GALK2: variants seen among roughly 807,000 people sequenced by gnomAD.
GALK2 encodes N-acetylgalactosamine kinase.
A neutral mutation model predicts 52.4 loss-of-function variants in GALK2; 36 were observed. The observed-to-expected ratio is 0.69, with a 90% CI of 0.53 to 0.91. The LOEUF is 0.91. Among genes scored for constraint, GALK2 ranks in the 40% least tolerant of loss-of-function variants. The pLI is 0.00. For missense variants in GALK2, 579 were observed against 559.1 expected, an observed-to-expected ratio of 1.04 and a Z score of -0.36; for synonymous variants, 176 against 199.1, an observed-to-expected ratio of 0.88 and a Z score of 0.98.
intron 1 of GALK2, among the ~76,000 whole-genome samples, chr15:49,180,902 A>C (rs2085907000): frequency 6.6e-6 from 1 of 152,096 alleles, no homozygotes; most frequent in African/African-American, 2.4e-5. Flanking sequence ...CTGTCATAGC[A>C]GGGACTAAAT....
intron 1 of GALK2, among the ~76,000 whole-genome samples, chr15:49,180,952 C>G (rs930679493): frequency 8.5e-5 from 13 of 152,074 alleles, no homozygotes; most frequent in Non-Finnish European, 1.5e-4. Flanking sequence ...ATTTGGCCGA[C>G]TTATCACTCT....
At chr15:49,156,615 G>A in intron 1 of GALK2, 3 of 521,810 alleles carry the variant, frequency 5.7e-6, no homozygotes, top group Non-Finnish European at 1.1e-5. Context: ...TTGCCGAAAG[G>A]CCATCACTTT....
intron 8 of GALK2, among the ~76,000 whole-genome samples, chr15:49,296,424 G>C (rs1264465034): frequency 6.6e-6 from 1 of 152,136 alleles, no homozygotes; most frequent in African/African-American, 2.4e-5. Flanking sequence ...ATGTCCCTCA[G>C]CTGCATCCAT....
At chr15:49,318,694 G>A (rs1371453491) in intron 8 of GALK2, among the ~76,000 whole-genome samples, 1 of 151,576 alleles carries the variant, frequency 6.6e-6, no homozygotes, top group Non-Finnish European at 1.5e-5. Flanking sequence ...TGTTTATCTG[G>A]GACATATAAT....
intron 8 of GALK2, among the ~76,000 whole-genome samples, chr15:49,295,183 G>A (rs1295076403): frequency 2.0e-5 from 3 of 151,406 alleles, no homozygotes; most frequent in Non-Finnish European, 4.4e-5. Context: ...GGAGGGAGAG[G>A]AAGAAGGAAG....
At chr15:49,213,941 C>T (rs1163143508) in intron 2 of GALK2, among the ~76,000 whole-genome samples, 1 of 151,882 alleles carries the variant, frequency 6.6e-6, no homozygotes, top group African/African-American at 2.4e-5. Flanking sequence ...CACGGTGAAA[C>T]CCCATCTCTA....
Position 49,274,696 on chromosome 15 carries a change from T to C in GALK2, c.505-7291T>C, listed in dbSNP as rs143620255. Among the ~76,000 whole-genome samples, 7 of 152,346 alleles carry C rather than the reference T, an allele frequency of 4.6e-5. No homozygotes were observed. The East Asian group carries it at 1.3e-3, about 29-fold the overall frequency. On this transcript the variant is annotated intron_variant, in intron 5 of 9. Transcript: ENST00000560031. ...TAGCTTGAAACACAAACACATTGTA[T>C]AGCTGTACAAAGTGTTTCTTTATAT...
chr15:49,266,048 G>T (rs538534578), intron 5 of GALK2, among the ~76,000 whole-genome samples: 1 of 152,256 alleles, frequency 6.6e-6, no homozygotes, highest in African/African-American at 2.4e-5. Context: ...ATTTTGTCTG[G>T]ACTCATTAAG....
intron 3 of GALK2, among the ~76,000 whole-genome samples, chr15:49,351,957 C>A (rs1371702334): frequency 6.6e-6 from 1 of 152,156 alleles, no homozygotes; most frequent in African/African-American, 2.4e-5. Context: ...ATTATTACCT[C>A]TGTAGTTCTA....
At chr15:49,277,063 T>G (rs963409867) in intron 5 of GALK2, among the ~76,000 whole-genome samples, 3 of 140,844 alleles carry the variant, frequency 2.1e-5, no homozygotes, top group East Asian at 4.5e-4. Context: ...AAGCTCCGCC[T>G]CCTGGGTTCA....
chr15:49,300,820 C>A (rs756865252), intron 8 of GALK2, among the ~76,000 whole-genome samples: 7 of 152,182 alleles, frequency 4.6e-5, no homozygotes, highest in Non-Finnish European at 5.9e-5. Flanking sequence ...CCATGCTGAA[C>A]TTTGTCAATT....
At chr15:49,226,380 T>C (rs893958667) in intron 3 of GALK2, among the ~76,000 whole-genome samples, 3 of 152,142 alleles carry the variant, frequency 2.0e-5, no homozygotes, top group Admixed American at 6.5e-5. Flanking sequence ...CTTCTTCTCT[T>C]TTCAGCCTCA....
chr15:49,201,082 G>GTGTGTA (rs1555402757), intron 1 of GALK2, 80 bp from the exon 2 acceptor site: 8 of 685,318 alleles, frequency 1.2e-5, no homozygotes, highest in African/African-American at 1.1e-4. Flanking sequence ...GTGTGTGTGT[G>GTGTGTA]TGTGTATGTA....
At chr15:49,350,952 C>T (rs1442727583) in intron 3 of GALK2, among the ~76,000 whole-genome samples, 5 of 152,190 alleles carry the variant, frequency 3.3e-5, no homozygotes, top group African/African-American at 7.2e-5. Context: ...CTTAAAAGCA[C>T]GTTGTTAAGG....
At chr15:49,319,127 T>C in intron 8 of GALK2, 1 of 367,380 alleles carries the variant, frequency 2.7e-6, no homozygotes, top group South Asian at 2.1e-5. Flanking sequence ...GTAATTTTTG[T>C]ACTTTTAGTA....
rs2087709188 is a variant in GALK2, at chr15:49,201,051, G to GGT, written c.54-110_54-109insTG. On this transcript the variant is annotated intron_variant, in intron 1 of 9. Transcript: ENST00000560031. ...GAATAATTAATGGTGGCAGGCATATGGAGTGTGTGTGTGTGTGTGTGTGTG... is the reference window on the plus strand; with the variant it reads ...GAATAATTAATGGTGGCAGGCATATGGTGAGTGTGTGTGTGTGTGTGTGTGTG... 9 of 442,258 alleles carry GGT rather than the reference G, an allele frequency of 2.0e-5. 1 individual carries two copies. Among genetic ancestry groups the GGT allele is most frequent in the South Asian group, 4.6e-5 (1 of 21,948 alleles). The allele number at this position is 442,258 out of a possible 1,614,324, so 27.4% of individuals were successfully genotyped here. A position where few individuals can be genotyped will look rare whatever the true frequency, so the allele number is the denominator to read the frequency against.
At chr15:49,210,194 T>G (rs1452165971) in intron 2 of GALK2, among the ~76,000 whole-genome samples, 1 of 152,020 alleles carries the variant, frequency 6.6e-6, no homozygotes, top group Non-Finnish European at 1.5e-5. Flanking sequence ...TTTTCTGTTT[T>G]TTTTAATTTT....
intron 1 of GALK2, among the ~76,000 whole-genome samples, chr15:49,193,362 C>CTT (rs79026943): frequency 1.4e-5 from 2 of 140,136 alleles, no homozygotes; most frequent in Non-Finnish European, 3.1e-5. Flanking sequence ...TTTTAAGAGG[C>CTT]TTTTTTTTTT....
chr15:49,163,026 T>C (rs1174991353), intron 1 of GALK2, among the ~76,000 whole-genome samples: 1 of 152,242 alleles, frequency 6.6e-6, no homozygotes, highest in Non-Finnish European at 1.5e-5. Flanking sequence ...GGTTGGGTCA[T>C]ATGGTAGGTA....
Sources: allele counts gnomAD v4.1 joint callset (sites outside exome capture counted in the v4.1 genomes callset), GRCh38; gene constraint gnomAD v4.1.1; transcripts MANE v1.5; gene names NCBI Gene and HGNC (gene_info 2026-07-23, HGNC 2026-07-21).